The following CDC27 variants were observed in gnomAD, a reference collection of about 807,000 sequenced individuals.
The protein encoded by CDC27 is cell division cycle 27, also known as cell division cycle protein 27 homolog.
In CDC27, 27 loss-of-function variants were observed where a neutral mutation model predicts 109.7. That is an observed-to-expected ratio of 0.25 (90% CI 0.18 to 0.34). The LOEUF (loss-of-function observed/expected upper bound fraction) is 0.34. Among genes scored for constraint, CDC27 ranks in the 10% least tolerant of loss-of-function variants. CDC27 has a pLI of 1.00. For synonymous variants in CDC27, 266 were observed against 333.9 expected, an observed-to-expected ratio of 0.80 and a Z score of 2.22; for missense variants, 579 against 960.2, an observed-to-expected ratio of 0.60 and a Z score of 5.25.
intron 4 of CDC27, among the ~76,000 whole-genome samples, chr17:47,168,026 C>T (rs565667274): frequency 3.7e-4 from 57 of 152,202 alleles, no homozygotes; most frequent in Non-Finnish European, 6.3e-4. Flanking sequence ...AAGAGAGGTG[C>T]GGAGCTTCCA....
At position 47,142,271 on chromosome 17, in the gene CDC27, T is replaced by C. The variant is rs75580209; in HGVS notation, c.1336A>G (p.Thr446Ala). The C allele has an allele frequency of 4.4e-6, 7 of 1,606,346 alleles. No homozygotes were observed. The highest frequency in any genetic ancestry group is 1.3e-5 in the African/African-American group (1 of 74,890). The change falls in exon 11 of 19, where the codon ACA becomes GCA. Residue 446 changes from threonine (T) to alanine (A), a missense_variant. Thr to Ala is a moderately conservative substitution (Grantham distance 58). This residue lies in a region of CDC27 where 58 missense variants were observed against 116.6 expected (regional missense o/e 0.50). Coordinates refer to ENST00000066544, the MANE Select transcript of CDC27 (RefSeq NM_001256.6). ...AGATTAAAGGCCTGAATCTGAGGTG[T>C]GATTGTGGATATTTTCCCTTCTGAA... ...IISEGKISTI[T>A]PQIQAFNLQK...
At chr17:47,130,338 C>A (rs879821776) in intron 15 of CDC27, among the ~76,000 whole-genome samples, 2 of 150,024 alleles carry the variant, frequency 1.3e-5, no homozygotes, top group African/African-American at 2.5e-5. Context: ...CCAGCCTGGG[C>A]GACAGAGCGA....
At chr17:47,157,461 T>C (rs2063352354) in intron 5 of CDC27, 77 bp from the exon 6 acceptor site, 1 of 1,134,714 alleles carries the variant, frequency 8.8e-7, no homozygotes, top group Admixed American at 2.3e-5. Flanking sequence ...CATAAATCAG[T>C]GGAAACAGGA....
At chr17:47,122,743 G>A in intron 17 of CDC27, 143 bp from the exon 18 acceptor site, 1 of 478,446 alleles carries the variant, frequency 2.1e-6, no homozygotes. Flanking sequence ...GCACGATCTT[G>A]GCTCACTGCA....
intron 4 of CDC27, among the ~76,000 whole-genome samples, chr17:47,160,536 T>G (rs1205115371): frequency 6.6e-6 from 1 of 152,128 alleles, no homozygotes; most frequent in Non-Finnish European, 1.5e-5. Flanking sequence ...GCCTCCTCCT[T>G]AGCTTTTAAA....
chr17:47,121,286 TACA>T (rs2061975279), intron 18 of CDC27, among the ~76,000 whole-genome samples: 1 of 152,056 alleles, frequency 6.6e-6, no homozygotes, highest in Non-Finnish European at 1.5e-5. Context: ...CCCTAGGAAT[TACA>T]ACTAGCTAGT....
intron 2 of CDC27, among the ~76,000 whole-genome samples, chr17:47,179,104 CCA>C (rs1169356000): frequency 3.9e-5 from 6 of 152,166 alleles, no homozygotes; most frequent in African/African-American, 9.7e-5. Context: ...CTTTCTGATC[CCA>C]CAGTCTCAGG....
intron 13 of CDC27, among the ~76,000 whole-genome samples, chr17:47,137,621 G>C (rs964336343): frequency 2.0e-5 from 3 of 152,152 alleles, no homozygotes; most frequent in Admixed American, 6.6e-5. Context: ...GTTGAATAAT[G>C]TGACTCTACC....
chr17:47,153,021 G>A (rs776638964), intron 8 of CDC27, among the ~76,000 whole-genome samples: 4 of 152,004 alleles, frequency 2.6e-5, no homozygotes, highest in African/African-American at 4.8e-5. Context: ...TTCATCTAAT[G>A]TACCACCACT....
chr17:47,139,413 C>G (rs1441753738), intron 12 of CDC27, among the ~76,000 whole-genome samples: 2 of 151,840 alleles, frequency 1.3e-5, no homozygotes, highest in East Asian at 3.9e-4. Flanking sequence ...ACTACAGGCG[C>G]CTGCCACCAC....
chr17:47,123,402 C>CTTTTTTTTTTTTTTTTTTTTTTTTTTT (rs57868315), intron 17 of CDC27, among the ~76,000 whole-genome samples: 1 of 123,002 alleles, frequency 8.1e-6, no homozygotes. Flanking sequence ...TTTTTTTCTA[C>CTTTTTTTTTTTTTTTTTTTTTTTTTTT]TTTTTTTTTT....
Position 47,119,567 on chromosome 17 carries a change from C to CTG in CDC27, c.*1366_*1367dup, listed in dbSNP as rs2061941402. 6.6e-6 allele frequency: 1 copy of CTG among 152,126 alleles called. No homozygotes were observed. Among genetic ancestry groups the CTG allele is most frequent in the Non-Finnish European group, 1.5e-5 (1 of 68,018 alleles). The allele number at this position is 152,126 out of a possible 1,614,324, so 9.4% of individuals were successfully genotyped here. On this transcript the variant is annotated 3_prime_UTR_variant, in exon 19 of 19. Coordinates refer to ENST00000066544, the MANE Select transcript of CDC27 (RefSeq NM_001256.6). The stretch of plus-strand genomic sequence containing the variant: ...AACTATAATTTGTTATATTCTGACA[C>CTG]TGGCACTTAATAAAATGTTAACAAC...
intron 2 of CDC27, among the ~76,000 whole-genome samples, chr17:47,174,534 C>A (rs921676020): frequency 1.3e-5 from 2 of 152,146 alleles, no homozygotes; most frequent in African/African-American, 4.8e-5. Flanking sequence ...ATTGCATAAT[C>A]ATGAATGAAG....
intron 2 of CDC27, among the ~76,000 whole-genome samples, chr17:47,179,476 T>C (rs2064143618): frequency 6.6e-6 from 1 of 152,206 alleles, no homozygotes; most frequent in African/African-American, 2.4e-5. Flanking sequence ...AGATTACTAG[T>C]TACCGCCTGT....
At chr17:47,184,279 A>G (rs768584652) in intron 1 of CDC27, among the ~76,000 whole-genome samples, 2 of 152,252 alleles carry the variant, frequency 1.3e-5, no homozygotes, top group Non-Finnish European at 2.9e-5. Flanking sequence ...ACTATCATAC[A>G]TTAAGCACTT....
At chr17:47,174,601 CTAGT>C (rs76954024) in intron 2 of CDC27, among the ~76,000 whole-genome samples, 16,409 of 152,080 alleles carry the variant, frequency 0.11, 1,286 homozygotes, top group East Asian at 0.47. Context: ...CAATCGTGTA[CTAGT>C]TAAATTATGC....
At chr17:47,127,136 A>G (rs920548118) in intron 16 of CDC27, among the ~76,000 whole-genome samples, 1 of 152,170 alleles carries the variant, frequency 6.6e-6, no homozygotes, top group African/African-American at 2.4e-5. Context: ...TAAAAAAATT[A>G]GCTGAGCATG....
At chr17:47,165,832 G>A (rs2063627586) in intron 4 of CDC27, among the ~76,000 whole-genome samples, 1 of 152,090 alleles carries the variant, frequency 6.6e-6, no homozygotes, top group South Asian at 2.1e-4. Flanking sequence ...AATAAGGTAT[G>A]GGGTTTAAGT....
chr17:47,143,089 C>T (rs1460838984), intron 10 of CDC27, among the ~76,000 whole-genome samples: 1 of 152,128 alleles, frequency 6.6e-6, no homozygotes. Context: ...TCTCCCACCA[C>T]AGCCTCCCAA....
Sources: allele counts gnomAD v4.1 joint callset (sites outside exome capture counted in the v4.1 genomes callset), GRCh38; gene constraint gnomAD v4.1.1; regional missense constraint gnomAD v4.1.1; transcripts MANE v1.5; gene names NCBI Gene and HGNC (gene_info 2026-07-23, HGNC 2026-07-21).